ENAH: variants seen among roughly 807,000 people sequenced by gnomAD.
The protein encoded by ENAH is protein enabled homolog.
Under a neutral mutation model 78.7 loss-of-function variants are expected in ENAH, and 23 were observed. That is an observed-to-expected ratio of 0.29 (90% CI 0.21 to 0.41). The LOEUF is 0.41. ENAH is among the 10% of genes least tolerant of loss of function. ENAH has a pLI of 1.00. For missense variants in ENAH, 544 were observed against 691.0 expected (o/e 0.79, Z 2.39); for synonymous variants, 226 against 241.0 (o/e 0.94, Z 0.58).
At chr1:225,506,798 C>A (rs1201777739) in intron 11 of ENAH, among the ~76,000 whole-genome samples, 1 of 152,120 alleles carries the variant, frequency 6.6e-6, no homozygotes, top group Non-Finnish European at 1.5e-5. Flanking sequence ...CAGAAAGAAC[C>A]ACATAGGAAG....
Position 225,486,908 on chromosome 1 carries a change from G to C in ENAH, c.*10867C>G, listed in dbSNP as rs2096203442. 2 of 152,664 alleles carry C rather than the reference G, an allele frequency of 1.3e-5. No homozygotes were observed. Among genetic ancestry groups the C allele is most frequent in the Admixed American group, 1.3e-4 (2 of 15,284 alleles). 9.5% of individuals were successfully genotyped at this position (152,664 alleles called of 1,614,324 possible). On this transcript the variant is annotated 3_prime_UTR_variant, in exon 14 of 14. Transcript: ENST00000366843. The stretch of plus-strand genomic sequence containing the variant: ...CAGAAGAATGAAGCAGTTAAAACCA[G>C]CAAAGCTGCAAAGTAGGAAAGAAAG...
At chr1:225,523,272 TAC>T (rs754222043) in intron 4 of ENAH, among the ~76,000 whole-genome samples, 5 of 151,614 alleles carry the variant, frequency 3.3e-5, no homozygotes, top group African/African-American at 4.8e-5. Flanking sequence ...CTCTAAGCAA[TAC>T]AATGCTTTTA....
At chr1:225,622,411 G>C (rs2148269835) in intron 1 of ENAH, among the ~76,000 whole-genome samples, 1 of 152,230 alleles carries the variant, frequency 6.6e-6, no homozygotes, top group Non-Finnish European at 1.5e-5. Flanking sequence ...AATATGGCAA[G>C]ACCCCATCTC....
At position 225,597,779 on chromosome 1, in the gene ENAH, C is replaced by T. The variant is rs566850987; in HGVS notation, c.6-30365G>A. 7.9e-5 allele frequency among the ~76,000 whole-genome samples: 12 copies of T among 151,344 alleles called. No individual in the cohort carries two copies. The Middle Eastern group carries it at 0.017, about 217-fold the overall frequency. ...TTTTTCTTCTTTTGCTACACTGAAA[C>T]GGAACAAAATATTAATAGATGATGC... On this transcript the variant is annotated intron_variant, in intron 1 of 13. Coordinates refer to ENST00000366843, the MANE Select transcript of ENAH (RefSeq NM_018212.6).
rs1257368204 is a variant in ENAH, at chr1:225,487,824, T to C, written c.*9951A>G. ...CAAGAGATTCCAATTCCAGCATATA[T>C]TATGAAAGGTTATGGACTGTGACTA... On this transcript the variant is annotated 3_prime_UTR_variant, in exon 14 of 14. Coordinates refer to ENST00000366843, the MANE Select transcript of ENAH (RefSeq NM_018212.6). 1 of 152,188 alleles carries C rather than the reference T, an allele frequency of 6.6e-6. No homozygotes were observed. Among genetic ancestry groups the C allele is most frequent in the Non-Finnish European group, 1.5e-5 (1 of 68,048 alleles). The allele number at this position is 152,188 out of a possible 1,614,324, so 9.4% of individuals were successfully genotyped here.
chr1:225,558,627 CTTTTTT>C (rs71170091), intron 2 of ENAH, among the ~76,000 whole-genome samples: 2 of 69,244 alleles, frequency 2.9e-5, no homozygotes, highest in Admixed American at 2.6e-4. Context: ...TAATTTCTGC[CTTTTTT>C]TTTTTTTTTT....
At chr1:225,528,321 GAT>G in intron 4 of ENAH, among the ~76,000 whole-genome samples, 1 of 152,158 alleles carries the variant, frequency 6.6e-6, no homozygotes, top group Admixed American at 6.5e-5. Context: ...ACGTAGAAAG[GAT>G]ATGAGAAGGA....
At chr1:225,578,453 C>A (rs571036387) in intron 1 of ENAH, among the ~76,000 whole-genome samples, 1 of 152,130 alleles carries the variant, frequency 6.6e-6, no homozygotes, top group South Asian at 2.1e-4. Context: ...CCAGCTTGGG[C>A]GACAGAGCGA....
intron 5 of ENAH, chr1:225,517,723 A>G: frequency 6.4e-7 from 1 of 1,551,276 alleles, no homozygotes; most frequent in Non-Finnish European, 8.7e-7. Flanking sequence ...GTTTTTGTTC[A>G]GAGGACGAGG....
intron 1 of ENAH, among the ~76,000 whole-genome samples, chr1:225,622,963 C>G (rs1180350033): frequency 6.6e-6 from 1 of 152,144 alleles, no homozygotes; most frequent in East Asian, 1.9e-4. Context: ...GAGAAATCCT[C>G]CACTCCAGCA....
intron 1 of ENAH, among the ~76,000 whole-genome samples, chr1:225,635,165 A>G (rs1037654498): frequency 1.3e-5 from 2 of 152,212 alleles, no homozygotes; most frequent in Admixed American, 6.5e-5. Context: ...GGTTAAATTT[A>G]TTCCTAGGTG....
intron 2 of ENAH, among the ~76,000 whole-genome samples, chr1:225,557,605 G>C (rs1470596487): frequency 6.6e-6 from 1 of 152,192 alleles, no homozygotes; most frequent in South Asian, 2.1e-4. Context: ...TGGATCACTT[G>C]ACGTCAGGAG....
At chr1:225,499,282 T>A (rs947919443) in intron 12 of ENAH, among the ~76,000 whole-genome samples, 7 of 150,950 alleles carry the variant, frequency 4.6e-5, no homozygotes, top group South Asian at 4.2e-4. Context: ...AAAAAATAAA[T>A]AAATAAATAA....
chr1:225,589,591 A>G (rs2096865509), intron 1 of ENAH, among the ~76,000 whole-genome samples: 1 of 152,176 alleles, frequency 6.6e-6, no homozygotes, highest in Non-Finnish European at 1.5e-5. Flanking sequence ...TACTTATAAT[A>G]CCTAATACAA....
At chr1:225,618,276 G>A (rs932217313) in intron 1 of ENAH, among the ~76,000 whole-genome samples, 2 of 152,156 alleles carry the variant, frequency 1.3e-5, no homozygotes, top group Middle Eastern at 3.4e-3. Flanking sequence ...CAAAAACTGG[G>A]GAGAAAGAAA....
At chr1:225,509,869 T>C (rs919349860) in intron 10 of ENAH, among the ~76,000 whole-genome samples, 7 of 152,200 alleles carry the variant, frequency 4.6e-5, no homozygotes, top group Non-Finnish European at 7.4e-5. Context: ...CATGCTATAC[T>C]TACATCCTGA....
chr1:225,564,391 C>T (rs1210672051), intron 2 of ENAH, among the ~76,000 whole-genome samples: 4 of 151,656 alleles, frequency 2.6e-5, no homozygotes, highest in South Asian at 4.2e-4. Context: ...CAGGTACAAG[C>T]GATTCTCCTG....
At chr1:225,635,839 GA>G (rs1254034483) in intron 1 of ENAH, among the ~76,000 whole-genome samples, 1 of 152,200 alleles carries the variant, frequency 6.6e-6, no homozygotes, top group Admixed American at 6.5e-5. Flanking sequence ...GATGGACCTA[GA>G]AGCCCAGGAA....
intron 1 of ENAH, among the ~76,000 whole-genome samples, chr1:225,599,636 T>C (rs1325816491): frequency 2.0e-5 from 3 of 151,056 alleles, no homozygotes; most frequent in African/African-American, 4.9e-5. Flanking sequence ...TGAAACCCCG[T>C]CTCTACTAAA....
Sources: allele counts gnomAD v4.1 joint callset (sites outside exome capture counted in the v4.1 genomes callset), GRCh38; gene constraint gnomAD v4.1.1; transcripts MANE v1.5; gene names NCBI Gene and HGNC (gene_info 2026-07-23, HGNC 2026-07-21).